PPP1R1C: variants seen among roughly 807,000 people sequenced by gnomAD.
PPP1R1C encodes the protein protein phosphatase 1 regulatory subunit 1C.
Under a neutral mutation model 17.4 loss-of-function variants are expected in PPP1R1C, and 15 were observed. That is an observed-to-expected ratio of 0.86 (90% CI 0.58 to 1.33). The LOEUF (loss-of-function observed/expected upper bound fraction) is 1.33. Among genes scored for constraint, PPP1R1C ranks in the 40% most tolerant of loss-of-function variants. The pLI is 0.00. For synonymous variants in PPP1R1C, 35 were observed against 43.1 expected, an observed-to-expected ratio of 0.81 and a Z score of 0.73; for missense variants, 143 against 130.0, an observed-to-expected ratio of 1.10 and a Z score of -0.48.
At chr2:182,062,815 G>A (rs962673383) in intron 3 of PPP1R1C, among the ~76,000 whole-genome samples, 5 of 152,074 alleles carry the variant, frequency 3.3e-5, no homozygotes, top group African/African-American at 4.8e-5. Flanking sequence ...TGCATAGCAA[G>A]CCTGGAACAA....
upstream of PPP1R1C, among the ~76,000 whole-genome samples, chr2:181,981,353 T>G (rs1045414585): frequency 2.6e-5 from 4 of 152,224 alleles, no homozygotes; most frequent in African/African-American, 9.6e-5. Flanking sequence ...GGAATTCAGA[T>G]TTTAATATGA....
intron 2 of PPP1R1C, among the ~76,000 whole-genome samples, chr2:182,009,672 T>C (rs1360235793): frequency 6.6e-6 from 1 of 152,128 alleles, no homozygotes; most frequent in Non-Finnish European, 1.5e-5. Context: ...TGCCTGTGCT[T>C]GTGAGGTATC....
At chr2:182,076,953 G>T (rs1688331315) in intron 4 of PPP1R1C, among the ~76,000 whole-genome samples, 2 of 152,034 alleles carry the variant, frequency 1.3e-5, no homozygotes, top group Admixed American at 1.3e-4. Flanking sequence ...AAATAATAAT[G>T]GAATTAGTTT....
intron 1 of PPP1R1C, among the ~76,000 whole-genome samples, chr2:181,974,683 G>T (rs1484441748): frequency 6.6e-6 from 1 of 152,140 alleles, no homozygotes; most frequent in African/African-American, 2.4e-5. Flanking sequence ...AGAATGTTCA[G>T]GTGTAAAGGT....
At chr2:181,980,929 T>TG (rs1231279042), upstream of PPP1R1C, among the ~76,000 whole-genome samples, 118 of 139,416 alleles carry the variant, frequency 8.5e-4, no homozygotes, top group Non-Finnish European at 1.4e-3. Context: ...AAGGAGAAGT[T>TG]TTTTTTTTTT....
At chr2:182,109,000 T>C (rs554002995) in intron 4 of PPP1R1C, among the ~76,000 whole-genome samples, 3 of 152,322 alleles carry the variant, frequency 2.0e-5, no homozygotes, top group South Asian at 4.1e-4. Flanking sequence ...CGCTAGCATT[T>C]CTCAGTGTTT....
Position 181,976,792 on chromosome 2 carries a change from C to A in PPP1R1C, n.157+1528C>A, listed in dbSNP as rs1267771293. Among the ~76,000 whole-genome samples, 1 of 152,044 alleles carries A rather than the reference C, an allele frequency of 6.6e-6. No individual in the cohort carries two copies. The highest frequency in any genetic ancestry group is 1.5e-5 in the Non-Finnish European group (1 of 68,012). On this transcript the variant is annotated intron_variant and non_coding_transcript_variant, in intron 2 of 5. Coordinates refer to the PPP1R1C transcript ENST00000464264. The surrounding 1 kb of genome is among the most constrained non-coding windows in gnomAD (Gnocchi z 4.8). ...GCTCTTGCTCTCTACTGTAAGGTCC[C>A]ATGTTTGAAGGAGGCTTTCTTTTAA...
downstream of PPP1R1C, chr2:182,130,365 A>C (rs1472735949): frequency 6.6e-6 from 1 of 152,164 alleles, no homozygotes; most frequent in African/African-American, 2.4e-5. Context: ...TAGATCATTG[A>C]AAGGAACAAT....
At chr2:181,989,670 A>G (rs571885371) in intron 2 of PPP1R1C, among the ~76,000 whole-genome samples, 1 of 152,084 alleles carries the variant, frequency 6.6e-6, no homozygotes, top group East Asian at 1.9e-4. Context: ...TTTTTGTCAG[A>G]TCTCCCAATT....
At chr2:182,012,697 C>T (rs914985769) in intron 2 of PPP1R1C, among the ~76,000 whole-genome samples, 6 of 151,982 alleles carry the variant, frequency 3.9e-5, no homozygotes, top group Non-Finnish European at 7.4e-5. Flanking sequence ...CCTTGTCTTC[C>T]TTTCAATGAA....
intron 2 of PPP1R1C, among the ~76,000 whole-genome samples, chr2:181,997,817 A>G (rs1685656991): frequency 6.6e-6 from 1 of 152,230 alleles, no homozygotes; most frequent in South Asian, 2.1e-4. Flanking sequence ...CCATATTTGA[A>G]GACAACTTTT....
chr2:182,089,430 A>G (rs953562249), intron 4 of PPP1R1C, among the ~76,000 whole-genome samples: 3 of 152,214 alleles, frequency 2.0e-5, no homozygotes, highest in African/African-American at 4.8e-5. Flanking sequence ...AAGCATGAGC[A>G]TGCTTAGATG....
At chr2:182,080,092 T>C (rs1688430321) in intron 4 of PPP1R1C, among the ~76,000 whole-genome samples, 1 of 152,230 alleles carries the variant, frequency 6.6e-6, no homozygotes, top group African/African-American at 2.4e-5. Flanking sequence ...GAGGATTAAA[T>C]AGGTTGCTAT....
At chr2:182,130,167 A>G (rs529292235), downstream of PPP1R1C, 140 of 152,270 alleles carry the variant, frequency 9.2e-4, 1 homozygote, top group African/African-American at 3.2e-3. Context: ...GATTTCTCAT[A>G]AGTTGCAAAA....
At chr2:182,052,631 A>G (rs1344958378) in intron 2 of PPP1R1C, among the ~76,000 whole-genome samples, 1 of 152,206 alleles carries the variant, frequency 6.6e-6, no homozygotes, top group African/African-American at 2.4e-5. Flanking sequence ...TAATATGACA[A>G]AAGTGAGGCC....
intron 4 of PPP1R1C, among the ~76,000 whole-genome samples, chr2:182,104,783 T>A (rs141447491): frequency 3.3e-4 from 50 of 152,268 alleles, no homozygotes; most frequent in African/African-American, 9.6e-4. Flanking sequence ...TTAAAATGAG[T>A]TTAGAAGTGT....
chr2:181,965,400 A>G (rs151293598), intron 1 of PPP1R1C, among the ~76,000 whole-genome samples: 441 of 152,264 alleles, frequency 2.9e-3, no homozygotes, highest in Non-Finnish European at 5.0e-3. Context: ...GATTTCATCA[A>G]TGTTTTCTTT....
exon 6 of PPP1R1C, chr2:182,129,840 T>A (rs1689964281): frequency 6.6e-6 from 1 of 152,136 alleles, no homozygotes; most frequent in Non-Finnish European, 1.5e-5. Flanking sequence ...AGAGCTAAAC[T>A]TCCTCCAATT....
intron 2 of PPP1R1C, among the ~76,000 whole-genome samples, chr2:182,006,220 C>G (rs1357671894): frequency 3.3e-5 from 5 of 152,004 alleles, no homozygotes; most frequent in African/African-American, 1.2e-4. Context: ...ATATTATTAT[C>G]CATGATCTTA....
Sources: gnomAD v4.1 joint callset for allele counts (sites outside exome capture counted in the v4.1 genomes callset) on GRCh38, gnomAD v4.1.1 for gene constraint, Gnocchi (gnomAD v3.1) non-coding constraint, MANE v1.5 for transcripts, NCBI Gene and HGNC (gene_info 2026-07-23, HGNC 2026-07-21) for gene names.